TULP4: variants seen among roughly 807,000 people sequenced by gnomAD.
TULP4 encodes tubby-related protein 4.
A neutral mutation model predicts 129.0 loss-of-function variants in TULP4; 16 were observed. The observed-to-expected ratio is 0.12, with a 90% CI of 0.08 to 0.19. The LOEUF is 0.19. Among genes scored for constraint, TULP4 ranks in the 10% least tolerant of loss-of-function variants. The probability of loss-of-function intolerance (pLI) is 1.00; values close to 1 mark genes in which losing one functional copy is unlikely to be tolerated. For synonymous variants in TULP4, 998 were observed against 854.0 expected (o/e 1.17, Z -2.94); for missense variants, 1,842 against 2,059.1 (o/e 0.89, Z 2.04).
Position 158,508,927 on chromosome 6 carries a change from C to T in TULP4, c.*2233C>T, listed in dbSNP as rs1432531125. The T allele has an allele frequency of 3.4e-5, 4 of 116,800 alleles. No homozygotes were observed. The highest frequency in any genetic ancestry group is 4.9e-5 in the Non-Finnish European group (3 of 61,168). The allele number at this position is 116,800 out of a possible 1,614,324, so 7.2% of individuals were successfully genotyped here. On this transcript the variant is annotated 3_prime_UTR_variant, in exon 14 of 14. Transcript: ENST00000367097. Reference sequence around the variant, plus strand: ...TTTTGAGACGGAGTCCCACTCTTGTCGCCCAACTAGAGTGTAGTGGCACAA... The same window carrying T: ...TTTTGAGACGGAGTCCCACTCTTGTTGCCCAACTAGAGTGTAGTGGCACAA...
At position 158,511,248 on chromosome 6, in the gene TULP4, G is replaced by A. The variant is rs1780733908; in HGVS notation, c.*4554G>A. On this transcript the variant is annotated 3_prime_UTR_variant, in exon 14 of 14. Coordinates refer to ENST00000367097, the MANE Select transcript of TULP4 (RefSeq NM_020245.5). ...ATTTTTTCGTGTTGTAGAAAAGCAT[G>A]GGTTATGCGTTTGACTGAAAAAGAC... 6.6e-6 allele frequency: 1 copy of A among 152,604 alleles called. No individual in the cohort carries two copies. The allele number at this position is 152,604 out of a possible 1,614,324, so 9.5% of individuals were successfully genotyped here.
rs1171335332 is a variant in TULP4 at position 158,503,911 on chromosome 6, G to A, written c.4248G>A (p.Gly1416=). The A allele has an allele frequency of 5.0e-6, 8 of 1,613,976 alleles. No individual in the cohort carries two copies. Among genetic ancestry groups the A allele is most frequent in the African/African-American group, 2.7e-5 (2 of 74,944 alleles). ...SESEPELFIS[G]DELMNQSQGS... ...GCGAGCCTGAGCTGTTCATCAGCGG[G>A]GATGAGCTCATGAACCAGAGCCAGG... Residue 1416 remains glycine, a synonymous_variant, in exon 13 of 14, where the codon GGG becomes GGA. Transcript: ENST00000367097. The surrounding 1 kb of genome is among the most constrained non-coding windows in gnomAD (Gnocchi z 4.3).
At chr6:158,251,256 C>T (rs1348311467) in intron 1 of TULP4, among the ~76,000 whole-genome samples, 3 of 152,134 alleles carry the variant, frequency 2.0e-5, no homozygotes, top group African/African-American at 7.2e-5. Flanking sequence ...GATTGTTAAT[C>T]AGCTGGGATG....
intron 1 of TULP4, among the ~76,000 whole-genome samples, chr6:158,365,899 CTTTTTTTTTTTTTTTT>C (rs5881257): frequency 1.7e-5 from 1 of 57,542 alleles, no homozygotes; most frequent in African/African-American, 7.3e-5. Context: ...CTTTTTCTTT[CTTTTTTTTTTTTTTTT>C]TTTTTGAGAT....
intron 11 of TULP4, among the ~76,000 whole-genome samples, chr6:158,495,155 T>A (rs1780304927): frequency 6.6e-6 from 1 of 151,950 alleles, no homozygotes; most frequent in East Asian, 1.9e-4. Flanking sequence ...TGGGCTCAAG[T>A]GATCCTCCTG....
intron 3 of TULP4, among the ~76,000 whole-genome samples, chr6:158,442,754 A>G (rs1199063000): frequency 6.6e-6 from 1 of 151,992 alleles, no homozygotes; most frequent in African/African-American, 2.4e-5. Flanking sequence ...CAAGCTGACC[A>G]GAGGTAATGT....
At chr6:158,472,663 C>T (rs1330677400) in intron 6 of TULP4, among the ~76,000 whole-genome samples, 5 of 152,154 alleles carry the variant, frequency 3.3e-5, no homozygotes, top group African/African-American at 4.8e-5. Flanking sequence ...ATAAAAAGAA[C>T]TAAATGCAAT....
At chr6:158,309,410 G>T (rs1335349705), upstream of TULP4, among the ~76,000 whole-genome samples, 8 of 146,820 alleles carry the variant, frequency 5.4e-5, no homozygotes, top group African/African-American at 2.0e-4. Context: ...TTCCAGACTG[G>T]GCAGCCAGGC....
At chr6:158,292,173 T>A (rs1778954241) in intron 1 of TULP4, among the ~76,000 whole-genome samples, 1 of 152,242 alleles carries the variant, frequency 6.6e-6, no homozygotes, top group South Asian at 2.1e-4. Context: ...CTGTGAGTCC[T>A]GCTGAATGTG....
chr6:158,450,881 C>G (rs1583890241), intron 4 of TULP4, among the ~76,000 whole-genome samples: 1 of 151,944 alleles, frequency 6.6e-6, no homozygotes, highest in East Asian at 1.9e-4. Flanking sequence ...ACGCTGAAAT[C>G]CCGTCTCTAC....
chr6:158,454,366 A>G (rs1696023948), intron 5 of TULP4, among the ~76,000 whole-genome samples: 1 of 152,134 alleles, frequency 6.6e-6, no homozygotes, highest in Non-Finnish European at 1.5e-5. Context: ...TTTTTCTTCA[A>G]AATTCTATTT....
intron 1 of TULP4, among the ~76,000 whole-genome samples, chr6:158,344,743 G>T (rs965941195): frequency 6.6e-6 from 1 of 152,042 alleles, no homozygotes; most frequent in African/African-American, 2.4e-5. Context: ...ATAACCCTAC[G>T]GTGATCTCTA....
chr6:158,245,565 T>A lies in TULP4; in HGVS notation n.68+13262T>A, dbSNP rs1343336718. Among the ~76,000 whole-genome samples, 4 of 152,170 alleles carry A rather than the reference T, an allele frequency of 2.6e-5. No homozygotes were observed. In the East Asian group the frequency reaches 7.7e-4, roughly 29 times the overall value. ...ATCACAATGCAAAGTGTGCATAGCC[T>A]TCTACCCAGAAAGTCCACATTTAGT... is the stretch of plus-strand genomic sequence containing the variant. On this transcript the variant is annotated intron_variant and non_coding_transcript_variant, in intron 1 of 1. Transcript: ENST00000620026.
rs768814814 is a variant in TULP4, at chr6:158,314,036, A to G, written c.20A>G (p.His7Arg). MYAAVE[H>R]GPVLCSDSNI... ...GAAAGTATGTATGCAGCAGTGGAAC[A>G]TGGGCCTGTGCTTTGCAGCGATTCC... Residue 7 changes from histidine to arginine, a missense_variant, in exon 1 of 14, where the codon CAT becomes CGT. Transcript: ENST00000367097. 12 of 1,614,094 alleles carry G rather than the reference A, an allele frequency of 7.4e-6. No homozygotes were observed. The South Asian group carries it at 7.7e-5, about 10-fold the overall frequency.
At chr6:158,501,446 G>A (rs968988019) in intron 12 of TULP4, among the ~76,000 whole-genome samples, 1 of 152,224 alleles carries the variant, frequency 6.6e-6, no homozygotes, top group African/African-American at 2.4e-5. Context: ...AAGTGAGTTA[G>A]TCGAAAAGTT....
At chr6:158,274,735 C>T (rs1778612692) in intron 1 of TULP4, among the ~76,000 whole-genome samples, 1 of 152,204 alleles carries the variant, frequency 6.6e-6, no homozygotes, top group East Asian at 1.9e-4. Context: ...CGAGATTGCG[C>T]CCCTGCACTC....
intron 1 of TULP4, among the ~76,000 whole-genome samples, chr6:158,285,820 G>A (rs1778826510): frequency 6.6e-6 from 1 of 152,134 alleles, no homozygotes; most frequent in Admixed American, 6.5e-5. Flanking sequence ...AGGCACTTCT[G>A]CTTACCATCA....
In TULP4 at chr6:158,313,267, C is replaced by A; in HGVS notation, c.-750C>A. ...GCAGTCCGATGGAGCCCTGCGTTCC[C>A]CGGGGACACAGGGCCAAGCTTTGAG... On this transcript the variant is annotated 5_prime_UTR_variant, in exon 1 of 14. Transcript: ENST00000367097. 1 of 379,274 alleles carries A rather than the reference C, an allele frequency of 2.6e-6. No homozygotes were observed. Among genetic ancestry groups the A allele is most frequent in the Non-Finnish European group, 4.7e-6 (1 of 214,784 alleles). 23.5% of individuals were successfully genotyped at this position (379,274 alleles called of 1,614,324 possible).
chr6:158,469,538 G>T (rs1289123647), intron 6 of TULP4, among the ~76,000 whole-genome samples: 1 of 152,010 alleles, frequency 6.6e-6, no homozygotes, highest in African/African-American at 2.4e-5. Flanking sequence ...GCCTTCCAAA[G>T]TGCTGGGATT....
Sources: allele counts gnomAD v4.1 joint callset (sites outside exome capture counted in the v4.1 genomes callset), GRCh38; gene constraint gnomAD v4.1.1; non-coding constraint Gnocchi (gnomAD v3.1); transcripts MANE v1.5; gene names NCBI Gene and HGNC (gene_info 2026-07-23, HGNC 2026-07-21).